The following QNG1 variants were observed in gnomAD, a reference collection of about 807,000 sequenced individuals.
QNG1 encodes Q-nucleotide N-glycosylase 1.
chr9:83,943,478 CT>C, the QNG1 span, among the ~76,000 whole-genome samples: 1 of 151,548 alleles, frequency 6.6e-6, no homozygotes, highest in Non-Finnish European at 1.5e-5. Context: ...GCCCTGATTG[CT>C]AAATGTTGTC....
chr9:83,956,601 T>A, the QNG1 span: 3 of 971,882 alleles, frequency 3.1e-6, no homozygotes, highest in Non-Finnish European at 4.5e-6. Flanking sequence ...TCACAGGGCC[T>A]AAACAAGGTC....
the QNG1 span, chr9:83,956,317 C>T: frequency 1.2e-6 from 2 of 1,614,010 alleles, no homozygotes; most frequent in Non-Finnish European, 1.7e-6. Flanking sequence ...ACCGCGGCCT[C>T]GTCGGCCGCC....
At chr9:83,955,445 G>C in the QNG1 span, 1 of 1,614,052 alleles carries the variant, frequency 6.2e-7, no homozygotes, top group Non-Finnish European at 8.5e-7. Flanking sequence ...TAACTTCTGC[G>C]CACTATTCTC....
the QNG1 span, among the ~76,000 whole-genome samples, chr9:83,945,426 A>T: frequency 6.6e-6 from 1 of 151,554 alleles, no homozygotes; most frequent in Non-Finnish European, 1.5e-5. Context: ...AAATTCATAG[A>T]TCTTTTACAA....
the QNG1 span, among the ~76,000 whole-genome samples, chr9:83,949,144 T>G: frequency 2.6e-4 from 39 of 152,108 alleles, no homozygotes; most frequent in African/African-American, 9.2e-4. Context: ...AAGTATACAT[T>G]CTCATTTTCT....
the QNG1 span, among the ~76,000 whole-genome samples, chr9:83,946,921 A>G: frequency 6.7e-6 from 1 of 150,208 alleles, no homozygotes; most frequent in African/African-American, 2.4e-5. Flanking sequence ...TTTTTTTTTA[A>G]TTAGCCAGGC....
At chr9:83,948,865 G>A in the QNG1 span, among the ~76,000 whole-genome samples, 1 of 152,130 alleles carries the variant, frequency 6.6e-6, no homozygotes, top group Non-Finnish European at 1.5e-5. Flanking sequence ...GGTGCAAGAT[G>A]TGCTTTGTTA....
At chr9:83,953,622 A>G in the QNG1 span, 2 of 554,824 alleles carry the variant, frequency 3.6e-6, no homozygotes, top group Non-Finnish European at 6.5e-6. Context: ...CTGGGATTAC[A>G]GGTGTGAGCC....
At chr9:83,949,041 T>C in the QNG1 span, among the ~76,000 whole-genome samples, 1 of 131,052 alleles carries the variant, frequency 7.6e-6, no homozygotes, top group Non-Finnish European at 1.6e-5. Context: ...CTATTGTCGA[T>C]GACCCTGCCA....
the QNG1 span, among the ~76,000 whole-genome samples, chr9:83,942,718 T>C: frequency 6.6e-6 from 1 of 152,234 alleles, no homozygotes; most frequent in East Asian, 1.9e-4. Flanking sequence ...AAAATCCAAA[T>C]TTTACTTAAA....
chr9:83,951,544 G>C, the QNG1 span, among the ~76,000 whole-genome samples: 3 of 152,164 alleles, frequency 2.0e-5, no homozygotes, highest in Admixed American at 6.6e-5. Flanking sequence ...CTGGGTGACA[G>C]CGAGACTCTG....
the QNG1 span, among the ~76,000 whole-genome samples, chr9:83,946,965 C>T: frequency 6.6e-6 from 1 of 151,718 alleles, no homozygotes; most frequent in Non-Finnish European, 1.5e-5. Flanking sequence ...CAGCTACTCA[C>T]CAGGCTGAGG....
chr9:83,948,469 G>C, the QNG1 span, among the ~76,000 whole-genome samples: 1 of 149,078 alleles, frequency 6.7e-6, no homozygotes, highest in South Asian at 2.1e-4. Context: ...CCGTCGGGGA[G>C]GGAGGTGGGG....
the QNG1 span, chr9:83,956,837 C>T: frequency 8.1e-6 from 2 of 246,636 alleles, no homozygotes; most frequent in Non-Finnish European, 1.6e-5. Context: ...CGGCGTTCAC[C>T]GGCCGTGAGT....
the QNG1 span, among the ~76,000 whole-genome samples, chr9:83,953,998 G>A: frequency 1.6e-3 from 247 of 152,092 alleles, 1 homozygote; most frequent in Admixed American, 3.2e-3. Flanking sequence ...GGGTTCAAGC[G>A]ATTCTCCTGC....
At chr9:83,948,428 G>C in the QNG1 span, among the ~76,000 whole-genome samples, 1 of 143,036 alleles carries the variant, frequency 7.0e-6, no homozygotes, top group Non-Finnish European at 1.6e-5. Context: ...GGAGGGAGGT[G>C]GGGGGCAGCC....
At chr9:83,944,053 G>C in the QNG1 span, among the ~76,000 whole-genome samples, 1 of 146,144 alleles carries the variant, frequency 6.8e-6, no homozygotes, top group Non-Finnish European at 1.5e-5. Context: ...CAGGTGCAGT[G>C]GCTCACGCCT....
At chr9:83,939,554 A>G in the QNG1 span, 1 of 1,614,166 alleles carries the variant, frequency 6.2e-7, no homozygotes, top group Non-Finnish European at 8.5e-7. Context: ...AATTCCTTTC[A>G]TATCTTCCCT....
At chr9:83,950,706 C>A in the QNG1 span, among the ~76,000 whole-genome samples, 1 of 150,884 alleles carries the variant, frequency 6.6e-6, no homozygotes, top group African/African-American at 2.4e-5. Flanking sequence ...CTCAAGCAAT[C>A]CTCCCACCTC....
Sources: allele counts gnomAD v4.1 joint callset (sites outside exome capture counted in the v4.1 genomes callset), GRCh38; gene constraint gnomAD v4.1.1; transcripts MANE v1.5; gene names NCBI Gene and HGNC (gene_info 2026-07-23, HGNC 2026-07-21).